The following NR2C1 variants were observed in gnomAD, a reference collection of about 807,000 sequenced individuals.
NR2C1 encodes TR2 nuclear hormone receptor.
In NR2C1, 33 loss-of-function variants were observed where a neutral mutation model predicts 74.8. The ratio of observed to expected loss-of-function variants is 0.44; its 90% CI spans 0.33 to 0.59. The LOEUF (loss-of-function observed/expected upper bound fraction) is 0.59. Ranked by LOEUF, NR2C1 falls within the 20% of genes least tolerant of loss-of-function variation. The probability of loss-of-function intolerance (pLI) is 0.02; values close to 1 mark genes in which losing one functional copy is unlikely to be tolerated. For synonymous variants in NR2C1, 225 were observed against 240.6 expected (o/e 0.94, Z 0.60); for missense variants, 568 against 715.6 (o/e 0.79, Z 2.35).
At position 95,067,919 on chromosome 12, in the gene NR2C1, C is replaced by G. The variant is rs1266133371; in HGVS notation, c.-7-528G>C. ...TTTTTGAGATGGAGTCTTGCTCTGTCACCCAGGTTGGAGTGCAGTGGCATG... is the reference window on the plus strand; with the variant it reads ...TTTTTGAGATGGAGTCTTGCTCTGTGACCCAGGTTGGAGTGCAGTGGCATG... On this transcript the variant is annotated intron_variant, in intron 1 of 13. Coordinates refer to ENST00000333003, the MANE Select transcript of NR2C1 (RefSeq NM_003297.4). Among the ~76,000 whole-genome samples the G allele has an allele frequency of 5.3e-5, 7 of 133,082 alleles. No homozygotes were observed. The Admixed American group carries it at 6.0e-4, about 11-fold the overall frequency. The allele number at this position is 133,082 out of a possible 152,430, so 87.3% of individuals were successfully genotyped here. A position where few individuals can be genotyped will look rare whatever the true frequency, so the allele number is the denominator to read the frequency against.
At chr12:95,051,363 CAAGT>C (rs1256233820) in intron 8 of NR2C1, among the ~76,000 whole-genome samples, 1 of 152,202 alleles carries the variant, frequency 6.6e-6, no homozygotes, top group Non-Finnish European at 1.5e-5. Context: ...CAGACTCCCC[CAAGT>C]AAGCACGCCC....
intron 4 of NR2C1, among the ~76,000 whole-genome samples, chr12:95,059,428 C>T (rs781091942): frequency 2.0e-5 from 3 of 151,286 alleles, no homozygotes; most frequent in Non-Finnish European, 4.4e-5. Context: ...ACTTTGGGAC[C>T]GGGCATGGGG....
intron 9 of NR2C1, among the ~76,000 whole-genome samples, chr12:95,044,833 G>A (rs1233049179): frequency 2.0e-5 from 3 of 152,116 alleles, no homozygotes; most frequent in Non-Finnish European, 2.9e-5. Flanking sequence ...AGTGAGTCGC[G>A]ATCATGCCAC....
rs755714258 is a variant in NR2C1, at chr12:95,049,083, T to G, written c.1116A>C (p.Ser372=). 2 of 1,613,874 alleles carry G rather than the reference T, an allele frequency of 1.2e-6. No individual in the cohort carries two copies. The highest frequency in any genetic ancestry group is 2.2e-5 in the South Asian group (2 of 91,056). ...ATAGAAATACCCTGAAAGCTACATG[T>G]GAATCGCTGAGAAGTGGCCCCTCTT... is the stretch of plus-strand genomic sequence containing the variant. ...TEKEGPLLSD[S]HVAFRLTMPS... The change falls in exon 9 of 14, where the codon TCA becomes TCC. Residue 372 remains serine (S), a synonymous_variant. Transcript: ENST00000333003.
At chr12:95,048,765 C>G (rs1184683360) in intron 9 of NR2C1, among the ~76,000 whole-genome samples, 1 of 151,884 alleles carries the variant, frequency 6.6e-6, no homozygotes, top group Non-Finnish European at 1.5e-5. Context: ...GCTGGGATTA[C>G]AGGCATGCAC....
In NR2C1 at chr12:95,062,489, C is replaced by T; in HGVS notation, c.285+19G>A. On this transcript the variant is annotated intron_variant, in intron 3 of 13. Coordinates refer to ENST00000333003, the MANE Select transcript of NR2C1 (RefSeq NM_003297.4). ...TTTTTATATATGTAAGAGGAAAAGA[C>T]ACTTCTATAGTTATTTACCTGCAGG... The T allele has an allele frequency of 1.3e-6, 2 of 1,528,404 alleles. No homozygotes were observed. The highest frequency in any genetic ancestry group is 1.4e-5 in the African/African-American group (1 of 72,398). The allele number at this position is 1,528,404 out of a possible 1,614,324, so 94.7% of individuals were successfully genotyped here. A position where few individuals can be genotyped will look rare whatever the true frequency, so the allele number is the denominator to read the frequency against.
Position 95,059,985 on chromosome 12 carries a change from CTAA to C in NR2C1, c.286-4_286-2del. The stretch of plus-strand genomic sequence containing the variant: ...GGTCTGGAGAATTATCTGTTAGGAG[CTAA>C]AAAAAAAAAAAAAAAAAAAGAAAAC... On this transcript the variant is annotated splice_acceptor_variant and splice_polypyrimidine_tract_variant and intron_variant, in intron 3 of 13. Coordinates refer to ENST00000333003, the MANE Select transcript of NR2C1 (RefSeq NM_003297.4). LOFTEE classifies it high-confidence loss of function. 6.1e-6 allele frequency: 6 copies of C among 985,200 alleles called. No individual in the cohort carries two copies. The highest frequency in any genetic ancestry group is 8.2e-6 in the Non-Finnish European group (6 of 729,078). The allele number at this position is 985,200 out of a possible 1,614,324, so 61.0% of individuals were successfully genotyped here. A position where few individuals can be genotyped will look rare whatever the true frequency, so the allele number is the denominator to read the frequency against.
In NR2C1 at chr12:95,051,855, T is replaced by C. The variant is rs1320043409; in HGVS notation, c.872A>G (p.Asn291Ser). 3.1e-6 allele frequency: 5 copies of C among 1,611,812 alleles called. No individual in the cohort carries two copies. Among genetic ancestry groups the C allele is most frequent in the Non-Finnish European group, 4.2e-6 (5 of 1,179,436 alleles). Residue 291 changes from asparagine (N) to serine (S), a missense_variant, in exon 8 of 14, where the codon AAT becomes AGT. Transcript: ENST00000333003. ...NLGKTKDLSQ[N>S]SNEMSMIESL... Reference sequence around the variant, plus strand: ...TTCAATCATAGACATTTCATTACTATTTTGAGAAAGATCTTTAGTTTTTCC... The same window carrying C: ...TTCAATCATAGACATTTCATTACTACTTTGAGAAAGATCTTTAGTTTTTCC...
At chr12:95,062,458 A>ATTTTT in intron 3 of NR2C1, 50 bp downstream of exon 3, 1 of 1,206,610 alleles carries the variant, frequency 8.3e-7, no homozygotes, top group Non-Finnish European at 1.2e-6. Flanking sequence ...TATGATTAAA[A>ATTTTT]TTTTTTTTTT....
intron 12 of NR2C1, chr12:95,028,179 T>TAC: frequency 2.1e-6 from 1 of 472,414 alleles, no homozygotes. Context: ...CATTCTTGCA[T>TAC]AGATATATAT....
At chr12:95,030,371 G>T in intron 11 of NR2C1, 1 of 1,004,942 alleles carries the variant, frequency 1.0e-6, no homozygotes, top group Non-Finnish European at 1.3e-6. Flanking sequence ...CAGATATTTA[G>T]TAAAAACACT....
chr12:95,056,935 G>C (rs138946512), intron 7 of NR2C1, among the ~76,000 whole-genome samples: 2 of 148,338 alleles, frequency 1.3e-5, no homozygotes, highest in African/African-American at 5.0e-5. Context: ...CTCTAGCCTC[G>C]GCAACAGAGT....
At chr12:95,057,970 G>T (rs1592778353) in intron 5 of NR2C1, 92 bp from the exon 6 acceptor site, 1 of 1,043,700 alleles carries the variant, frequency 9.6e-7, no homozygotes, top group East Asian at 2.4e-5. Context: ...CTGCTAATAG[G>T]AGACATGGCT....
intron 1 of NR2C1, among the ~76,000 whole-genome samples, chr12:95,071,709 C>A (rs1304992158): frequency 6.6e-6 from 1 of 151,920 alleles, no homozygotes; most frequent in African/African-American, 2.4e-5. Context: ...ACTAACATGC[C>A]CCTTGAAAAA....
At chr12:95,065,806 T>G (rs1875593671) in intron 2 of NR2C1, among the ~76,000 whole-genome samples, 1 of 151,884 alleles carries the variant, frequency 6.6e-6, no homozygotes, top group Non-Finnish European at 1.5e-5. Context: ...AAAATTTAGC[T>G]GGGCGTGGTG....
At chr12:95,031,622 GT>G (rs1592729348) in intron 10 of NR2C1, 134 bp from the exon 11 acceptor site, 2 of 613,960 alleles carry the variant, frequency 3.3e-6, no homozygotes, top group Non-Finnish European at 4.9e-6. Flanking sequence ...GAGCAAGTCT[GT>G]GTTTTGTATA....
At chr12:95,022,428 G>A (rs760936994) in intron 13 of NR2C1, 25 bp from the exon 14 acceptor site, 23 of 1,579,700 alleles carry the variant, frequency 1.5e-5, no homozygotes, top group East Asian at 1.3e-4. Flanking sequence ...AAAAAAGGGA[G>A]AGGAACAAGG....
At chr12:95,069,682 T>C (rs1418094150) in intron 1 of NR2C1, among the ~76,000 whole-genome samples, 1 of 152,102 alleles carries the variant, frequency 6.6e-6, no homozygotes, top group Non-Finnish European at 1.5e-5. Context: ...ACTCCGAAGA[T>C]AAGGCAACAC....
chr12:95,028,201 C>T (rs1302313734), intron 12 of NR2C1, 186 bp downstream of exon 12: 2 of 538,338 alleles, frequency 3.7e-6, no homozygotes, highest in Non-Finnish European at 6.5e-6. Flanking sequence ...TTTCATTTCT[C>T]TTGGGCTGAC....
Sources: gnomAD v4.1 joint callset for allele counts (sites outside exome capture counted in the v4.1 genomes callset) on GRCh38, gnomAD v4.1.1 for gene constraint, MANE v1.5 for transcripts, NCBI Gene and HGNC (gene_info 2026-07-23, HGNC 2026-07-21) for gene names.